CDH12: variants seen among roughly 807,000 people sequenced by gnomAD.
CDH12 encodes cadherin 12, also known as cadherin-12.
CDH12 carries 41 observed loss-of-function variants against 74.1 expected under a neutral mutation model. The observed-to-expected ratio is 0.55, with a 90% confidence interval of 0.43 to 0.72. The LOEUF (loss-of-function observed/expected upper bound fraction) is 0.72. Ranked by LOEUF, CDH12 falls within the 30% of genes least tolerant of loss-of-function variation. The probability of loss-of-function intolerance (pLI) is 0.00; values close to 1 mark genes in which losing one functional copy is unlikely to be tolerated. For synonymous variants in CDH12, 399 were observed against 355.0 expected, an observed-to-expected ratio of 1.12 and a Z score of -1.39; for missense variants, 945 against 977.2, an observed-to-expected ratio of 0.97 and a Z score of 0.44.
intron 7 of CDH12, among the ~76,000 whole-genome samples, chr5:21,852,679 T>G (rs545311644): frequency 6.6e-6 from 1 of 151,622 alleles, no homozygotes; most frequent in Middle Eastern, 3.4e-3. Flanking sequence ...CTCACTCTTA[T>G]TCTGAGTATA....
chr5:22,140,620 T>A lies in CDH12; in HGVS notation c.-186-61758A>T, dbSNP rs371755682. ...TTGACACATTTCTTTATTGCTGTTA[T>A]TGTTTTTATTAAAATTGAATCATAT... On this transcript the variant is annotated intron_variant, in intron 4 of 14. Coordinates refer to ENST00000382254, the MANE Select transcript of CDH12 (RefSeq NM_004061.5). Among the ~76,000 whole-genome samples, 19 of 152,284 alleles carry A rather than the reference T, an allele frequency of 1.2e-4. No individual in the cohort carries two copies. The East Asian group carries it at 3.1e-3, about 25-fold the overall frequency.
At chr5:22,589,788 C>T (rs930650867) in intron 1 of CDH12, among the ~76,000 whole-genome samples, 2 of 152,096 alleles carry the variant, frequency 1.3e-5, no homozygotes, top group African/African-American at 4.8e-5. Context: ...CATATATACT[C>T]ACATTTCTCT....
chr5:21,751,907 A>T lies in CDH12; in HGVS notation c.2215T>A (p.Tyr739Asn). ...ACGGACCCACTCCCTTCGTAGGCAT[A>T]TGTGGCCAGTGAATCGTATGGTGGG... ...TAPPYDSLATYAYEGSGSVAE... is the reference protein window; with the variant it reads ...TAPPYDSLATNAYEGSGSVAE... Residue 739 changes from tyrosine to asparagine, a missense_variant, in exon 15 of 15, where the codon TAT becomes AAT. Physicochemically the swap from Tyr to Asn is moderately radical, Grantham distance 143. Coordinates refer to ENST00000382254, the MANE Select transcript of CDH12 (RefSeq NM_004061.5). 6.2e-7 allele frequency: 1 copy of T among 1,614,098 alleles called. No homozygotes were observed. Among genetic ancestry groups the T allele is most frequent in the Non-Finnish European group, 8.5e-7 (1 of 1,180,022 alleles).
intron 4 of CDH12, among the ~76,000 whole-genome samples, chr5:22,098,497 G>A (rs1020826056): frequency 5.9e-5 from 9 of 152,092 alleles, no homozygotes; most frequent in South Asian, 4.2e-4. Flanking sequence ...AGCAGCTGCC[G>A]CTGCTTTAAT....
At chr5:22,091,197 G>GTATATATA (rs144921991) in intron 4 of CDH12, among the ~76,000 whole-genome samples, 15 of 132,228 alleles carry the variant, frequency 1.1e-4, no homozygotes, top group African/African-American at 2.7e-4. Flanking sequence ...GTGTGTGTGT[G>GTATATATA]TATATATATA....
rs187514373 is a variant in CDH12 at position 22,497,160 on chromosome 5, T to C, written c.-428+8110A>G. On this transcript the variant is annotated intron_variant, in intron 2 of 14. Transcript: ENST00000382254. ...CGCCTGACATAGAAAGTGTGATGTG[T>C]TTGTTTAAATAAACAAATCTTAGTC... Among the ~76,000 whole-genome samples the C allele has an allele frequency of 2.8e-4, 43 of 152,304 alleles. No individual in the cohort carries two copies. The East Asian group carries it at 3.1e-3, about 11-fold the overall frequency.
chr5:22,643,449 A>G lies in CDH12; in HGVS notation c.-522-138085T>C, dbSNP rs1739256004. ...TGAAGGGAAAATAGAATTACTTTAAATCTATTCTAGCCTCTTTCATAAACA... is the reference window on the plus strand; with the variant it reads ...TGAAGGGAAAATAGAATTACTTTAAGTCTATTCTAGCCTCTTTCATAAACA... On this transcript the variant is annotated intron_variant, in intron 1 of 14. Coordinates refer to ENST00000382254, the MANE Select transcript of CDH12 (RefSeq NM_004061.5). 1.3e-5 allele frequency among the ~76,000 whole-genome samples: 2 copies of G among 152,180 alleles called. 1 individual carries two copies. Among genetic ancestry groups the G allele is most frequent in the African/African-American group, 4.8e-5 (2 of 41,450 alleles).
chr5:22,382,884 G>T lies in CDH12; in HGVS notation c.-333+22373C>A, dbSNP rs2126389446. 2.0e-5 allele frequency among the ~76,000 whole-genome samples: 3 copies of T among 152,116 alleles called. No individual in the cohort carries two copies. In the Middle Eastern group the frequency reaches 0.01, roughly 517 times the overall value. On this transcript the variant is annotated intron_variant, in intron 3 of 14. Transcript: ENST00000382254. ...TCACTCTTGTTACCCAGGCTGTAGT[G>T]CAATGGCGCAATCTCAGCTCACTGC...
intron 1 of CDH12, among the ~76,000 whole-genome samples, chr5:22,514,763 A>G: frequency 6.6e-6 from 1 of 152,160 alleles, no homozygotes. Flanking sequence ...AATAACTCAC[A>G]ACTCACACCA....
chr5:22,635,084 C>T (rs1297455103), intron 1 of CDH12, among the ~76,000 whole-genome samples: 4 of 151,896 alleles, frequency 2.6e-5, no homozygotes, highest in Non-Finnish European at 5.9e-5. Context: ...TTCACATTTC[C>T]AATTTCACAA....
Position 22,631,196 on chromosome 5 carries a change from A to G in CDH12, c.-522-125832T>C, listed in dbSNP as rs563627253. Among the ~76,000 whole-genome samples, 12 of 152,350 alleles carry G rather than the reference A, an allele frequency of 7.9e-5. No individual in the cohort carries two copies. The South Asian group carries it at 2.5e-3, about 32-fold the overall frequency. Reference sequence around the variant, plus strand: ...TTATACACTGCTGGTGGGAATGTAGATTAGTTTAGCCATTGTGGAAAGCAG... The same window carrying G: ...TTATACACTGCTGGTGGGAATGTAGGTTAGTTTAGCCATTGTGGAAAGCAG... On this transcript the variant is annotated intron_variant, in intron 1 of 14. Transcript: ENST00000382254.
chr5:22,601,933 C>G (rs929197635), intron 1 of CDH12, among the ~76,000 whole-genome samples: 3 of 151,972 alleles, frequency 2.0e-5, no homozygotes, highest in Non-Finnish European at 4.4e-5. Context: ...GGCAATCATA[C>G]AACAATTGGA....
At chr5:22,367,620 G>A (rs1334033193) in intron 3 of CDH12, among the ~76,000 whole-genome samples, 3 of 152,138 alleles carry the variant, frequency 2.0e-5, no homozygotes, top group Non-Finnish European at 4.4e-5. Context: ...TGTACTTAAT[G>A]TACATAAGAA....
At chr5:22,770,693 T>C (rs1025278455) in intron 1 of CDH12, among the ~76,000 whole-genome samples, 3 of 152,264 alleles carry the variant, frequency 2.0e-5, no homozygotes, top group African/African-American at 7.2e-5. Flanking sequence ...GTATTTTCCA[T>C]TGTATTTTGT....
chr5:22,716,120 G>C (rs1743563809), intron 1 of CDH12, among the ~76,000 whole-genome samples: 1 of 152,138 alleles, frequency 6.6e-6, no homozygotes, highest in South Asian at 2.1e-4. Flanking sequence ...CTGGGTGACA[G>C]AGCAAGACTC....
chr5:22,450,536 G>A (rs920926498), intron 2 of CDH12, among the ~76,000 whole-genome samples: 1 of 151,786 alleles, frequency 6.6e-6, no homozygotes, highest in East Asian at 1.9e-4. Flanking sequence ...TAATATCATA[G>A]TCTCACTGTA....
intron 1 of CDH12, among the ~76,000 whole-genome samples, chr5:22,591,558 A>T (rs1193878373): frequency 6.6e-6 from 1 of 151,836 alleles, no homozygotes. Context: ...TTTTTTTATC[A>T]TTTCATCTCA....
At position 22,539,816 on chromosome 5, in the gene CDH12, T is replaced by C. The variant is rs146520782; in HGVS notation, c.-522-34452A>G. 1.2e-4 allele frequency among the ~76,000 whole-genome samples: 18 copies of C among 152,318 alleles called. No individual in the cohort carries two copies. In the East Asian group the frequency reaches 3.5e-3, roughly 29 times the overall value. On this transcript the variant is annotated intron_variant, in intron 1 of 14. Transcript: ENST00000382254. ...TGAGTACTGCACCATTTAATCAAAG[T>C]AGCAAGGTTATAAAAATCGTATCTC... is the stretch of plus-strand genomic sequence containing the variant.
At chr5:22,427,884 CA>C (rs148187279) in intron 2 of CDH12, among the ~76,000 whole-genome samples, 6,529 of 151,368 alleles carry the variant, frequency 0.043, 250 homozygotes, top group African/African-American at 0.11. Flanking sequence ...TAGCTTCACC[CA>C]AAAAAAAGTC....
Sources: allele counts gnomAD v4.1 joint callset (sites outside exome capture counted in the v4.1 genomes callset), GRCh38; gene constraint gnomAD v4.1.1; transcripts MANE v1.5; gene names NCBI Gene and HGNC (gene_info 2026-07-23, HGNC 2026-07-21).